MED12L: variants seen among roughly 807,000 people sequenced by gnomAD.
MED12L encodes the protein mediator of RNA polymerase II transcription subunit 12-like protein.
A neutral mutation model predicts 281.3 loss-of-function variants in MED12L; 60 were observed. The observed-to-expected ratio is 0.21, with a 90% CI of 0.17 to 0.26. The LOEUF (loss-of-function observed/expected upper bound fraction) is 0.26. Ranked by LOEUF, MED12L falls within the 10% of genes least tolerant of loss-of-function variation. The pLI, the probability that MED12L is intolerant of heterozygous loss-of-function variation, is 1.00. For missense variants in MED12L, 2,146 were observed against 2,680.9 expected, an observed-to-expected ratio of 0.80 and a Z score of 4.41; for synonymous variants, 974 against 987.2, an observed-to-expected ratio of 0.99 and a Z score of 0.25.
chr3:151,143,597 G>A (rs952565892), intron 5 of MED12L, among the ~76,000 whole-genome samples: 2 of 152,102 alleles, frequency 1.3e-5, no homozygotes, highest in Admixed American at 6.6e-5. Context: ...CTTGTCCTCC[G>A]TTTTTCTTTT....
chr3:151,192,513 A>G, intron 14 of MED12L, 37 bp from the exon 15 acceptor site: 1 of 1,422,074 alleles, frequency 7.0e-7, no homozygotes, highest in Non-Finnish European at 9.6e-7. Flanking sequence ...GAACTCCAAA[A>G]CTTACAATGT....
chr3:151,411,774 G>A lies in MED12L; in HGVS notation c.6140+267G>A, dbSNP rs112777113. 5.9e-3 allele frequency among the ~76,000 whole-genome samples: 893 copies of A among 152,142 alleles called. 8 individuals are homozygous for A. The highest frequency in any genetic ancestry group is 0.023 in the South Asian group (113 of 4,822). On this transcript the variant is annotated intron_variant, in intron 41 of 44. Transcript: ENST00000687756. Reference sequence around the variant, plus strand: ...TGTAACAGTCTTTACGTGATAGTGTGTTTGCTTCAGTGTTCTTTTTTTTCC... The same window carrying A: ...TGTAACAGTCTTTACGTGATAGTGTATTTGCTTCAGTGTTCTTTTTTTTCC...
intron 16 of MED12L, chr3:151,294,207 ATCT>A (rs1313470137): frequency 1.2e-6 from 2 of 1,611,622 alleles, no homozygotes; most frequent in Non-Finnish European, 1.7e-6. Flanking sequence ...CGAACTTCCG[ATCT>A]TCTCACACTT....
chr3:151,292,528 C>T (rs769224797), intron 16 of MED12L, among the ~76,000 whole-genome samples: 2 of 151,632 alleles, frequency 1.3e-5, no homozygotes, highest in African/African-American at 2.4e-5. Flanking sequence ...ACCTTGGCTT[C>T]CCTAAGTGCT....
intron 16 of MED12L, among the ~76,000 whole-genome samples, chr3:151,196,363 GT>G (rs919180037): frequency 6.6e-6 from 1 of 151,724 alleles, no homozygotes. Flanking sequence ...GCTACTGTCT[GT>G]TTTTTTTCCC....
chr3:151,387,683 T>C (rs1333948295), intron 36 of MED12L, 127 bp from the exon 37 acceptor site: 4 of 1,078,940 alleles, frequency 3.7e-6, no homozygotes, highest in Non-Finnish European at 5.3e-6. Context: ...CCCTCTCTGC[T>C]GTATTCTCGG....
intron 5 of MED12L, among the ~76,000 whole-genome samples, chr3:151,145,350 C>G (rs567844155): frequency 6.6e-6 from 1 of 152,166 alleles, no homozygotes; most frequent in Non-Finnish European, 1.5e-5. Context: ...CTGCTAGGTA[C>G]TTCTGTAGTC....
intron 5 of MED12L, among the ~76,000 whole-genome samples, chr3:151,140,846 ATTTTG>A (rs1465995159): frequency 1.4e-5 from 2 of 146,682 alleles, no homozygotes; most frequent in African/African-American, 5.2e-5. Flanking sequence ...CACGCAGATA[ATTTTG>A]TTTGTTTGTT....
At chr3:151,283,223 T>TA (rs1179973112) in intron 16 of MED12L, among the ~76,000 whole-genome samples, 2 of 152,236 alleles carry the variant, frequency 1.3e-5, no homozygotes, top group Non-Finnish European at 2.9e-5. Context: ...GTGTGGATAC[T>TA]AACGTTGAGT....
Position 151,200,247 on chromosome 3 carries a change from G to T in MED12L, c.2250+6581G>T, listed in dbSNP as rs1056703376. The stretch of plus-strand genomic sequence containing the variant: ...CAAATCTGGAACATTGAGCGGGTTT[G>T]TAAGCTCAAGTTAAACTGATAGGGC... On this transcript the variant is annotated intron_variant, in intron 16 of 44. Transcript: ENST00000687756. Among the ~76,000 whole-genome samples the T allele has an allele frequency of 2.6e-5, 4 of 152,240 alleles. No homozygotes were observed. In the South Asian group the frequency reaches 8.3e-4, roughly 32 times the overall value.
Position 151,188,345 on chromosome 3 carries a change from A to T in MED12L, c.1627-9A>T. 1 of 1,587,506 alleles carries T rather than the reference A, an allele frequency of 6.3e-7. No individual in the cohort carries two copies. On this transcript the variant is annotated splice_polypyrimidine_tract_variant and intron_variant, in intron 12 of 44. Coordinates refer to ENST00000687756, the MANE Select transcript of MED12L (RefSeq NM_001393769.1). ...GTAATTAACTTTGTTATTTATTTTT[A>T]ATCTGTAGAGATGTGGTGAATCAGA...
chr3:151,429,501 A>G (rs1170901622), intron 43 of MED12L, among the ~76,000 whole-genome samples: 1 of 152,244 alleles, frequency 6.6e-6, no homozygotes, highest in Non-Finnish European at 1.5e-5. Context: ...GGAGAAAACG[A>G]TAGTCTGAAA....
At chr3:151,089,961 A>G (rs1418123243) in intron 2 of MED12L, among the ~76,000 whole-genome samples, 1 of 152,182 alleles carries the variant, frequency 6.6e-6, no homozygotes, top group Admixed American at 6.5e-5. Context: ...CCAATCCACC[A>G]GATGCTCTCC....
intron 11 of MED12L, among the ~76,000 whole-genome samples, chr3:151,167,335 C>T (rs191247169): frequency 1.3e-5 from 2 of 152,322 alleles, no homozygotes; most frequent in East Asian, 1.9e-4. Flanking sequence ...TAATATCCAG[C>T]CTGTGCTAGG....
intron 16 of MED12L, among the ~76,000 whole-genome samples, chr3:151,227,458 C>T (rs915499740): frequency 1.3e-5 from 2 of 152,198 alleles, no homozygotes; most frequent in South Asian, 2.1e-4. Context: ...CTGATAACGT[C>T]CAAACATAGT....
intron 21 of MED12L, among the ~76,000 whole-genome samples, chr3:151,361,151 A>AT (rs934744515): frequency 2.0e-5 from 3 of 152,052 alleles, no homozygotes; most frequent in Admixed American, 6.6e-5. Flanking sequence ...ACAGTGTTTC[A>AT]TTTTTTATTT....
At chr3:151,382,538 T>G in intron 32 of MED12L, 118 bp from the exon 33 acceptor site, 1 of 574,692 alleles carries the variant, frequency 1.7e-6, no homozygotes, top group Non-Finnish European at 2.9e-6. Flanking sequence ...TTTATTTAGC[T>G]TTGTTTGTTA....
At chr3:151,424,783 A>C (rs1158004713) in intron 43 of MED12L, among the ~76,000 whole-genome samples, 2 of 152,336 alleles carry the variant, frequency 1.3e-5, no homozygotes, top group Middle Eastern at 6.8e-3. Context: ...GGCTGAGTGC[A>C]TGCACAACCC....
In MED12L at chr3:151,164,451, G is replaced by A. The variant is rs191661415; in HGVS notation, c.1257+409G>A. Among the ~76,000 whole-genome samples the A allele has an allele frequency of 2.3e-4, 35 of 151,966 alleles. No individual in the cohort carries two copies. In the East Asian group the frequency reaches 6.0e-3, roughly 26 times the overall value. Reference sequence around the variant, plus strand: ...ATATTTAGAATAAGATCCCTGTCTTGGGATCTAGAACTAGAAATACCATTT... The same window carrying A: ...ATATTTAGAATAAGATCCCTGTCTTAGGATCTAGAACTAGAAATACCATTT... On this transcript the variant is annotated intron_variant, in intron 9 of 44. Coordinates refer to ENST00000687756, the MANE Select transcript of MED12L (RefSeq NM_001393769.1).
Sources: allele counts gnomAD v4.1 joint callset (sites outside exome capture counted in the v4.1 genomes callset), GRCh38; gene constraint gnomAD v4.1.1; transcripts MANE v1.5; gene names NCBI Gene and HGNC (gene_info 2026-07-23, HGNC 2026-07-21).